KCND3: variants seen among roughly 807,000 people sequenced by gnomAD.
The protein encoded by KCND3 is A-type voltage-gated potassium channel KCND3.
A neutral mutation model predicts 51.1 loss-of-function variants in KCND3; 9 were observed. The ratio of observed to expected loss-of-function variants is 0.18; its 90% CI spans 0.11 to 0.31. KCND3 has a LOEUF of 0.31. Ranked by LOEUF, KCND3 falls within the 10% of genes least tolerant of loss-of-function variation. The probability of loss-of-function intolerance (pLI) is 1.00; values close to 1 mark genes in which losing one functional copy is unlikely to be tolerated. For missense variants in KCND3, 526 were observed against 903.8 expected (o/e 0.58, Z 5.36); for synonymous variants, 349 against 368.0 (o/e 0.95, Z 0.59).
chr1:111,806,533 A>G (rs1665581096), intron 2 of KCND3, among the ~76,000 whole-genome samples: 1 of 152,146 alleles, frequency 6.6e-6, no homozygotes, highest in Admixed American at 6.5e-5. Context: ...ATTTATATTT[A>G]CTCATCTCAC....
chr1:111,969,670 T>G (rs565457298), intron 2 of KCND3, among the ~76,000 whole-genome samples: 2 of 152,358 alleles, frequency 1.3e-5, no homozygotes, highest in Non-Finnish European at 2.9e-5. Context: ...TTGTTGTTGT[T>G]AGGGATAATG....
At chr1:111,979,154 T>A (rs1472456655) in intron 2 of KCND3, among the ~76,000 whole-genome samples, 1 of 152,204 alleles carries the variant, frequency 6.6e-6, no homozygotes, top group Admixed American at 6.5e-5. Flanking sequence ...CAGGTCCACG[T>A]TCAGGGAAAG....
rs190818715 is a variant in KCND3 at position 111,870,066 on chromosome 1, A to C, written c.1107-82960T>G. 1.5e-3 allele frequency among the ~76,000 whole-genome samples: 229 copies of C among 152,320 alleles called. 4 individuals carry two copies. The highest frequency in any genetic ancestry group is 0.012 in the Admixed American group (182 of 15,306). On this transcript the variant is annotated intron_variant, in intron 2 of 7. Transcript: ENST00000302127. Reference sequence around the variant, plus strand: ...ATACTGGCAGACTAATAATAGGTAAAATTTATCAAGCACTTGCTTGTATCA... The same window carrying C: ...ATACTGGCAGACTAATAATAGGTAACATTTATCAAGCACTTGCTTGTATCA...
intron 2 of KCND3, among the ~76,000 whole-genome samples, chr1:111,922,870 G>A (rs922716204): frequency 5.9e-5 from 9 of 152,242 alleles, no homozygotes; most frequent in African/African-American, 2.2e-4. Context: ...AATTCAATGA[G>A]ATGGCAATGT....
At chr1:111,826,028 A>C (rs1331330872) in intron 2 of KCND3, among the ~76,000 whole-genome samples, 1 of 152,204 alleles carries the variant, frequency 6.6e-6, no homozygotes, top group African/African-American at 2.4e-5. Context: ...GCAAGCCAAA[A>C]ATAGCTATCT....
At chr1:111,833,292 A>G (rs1359320533) in intron 2 of KCND3, among the ~76,000 whole-genome samples, 4 of 152,240 alleles carry the variant, frequency 2.6e-5, no homozygotes, top group Admixed American at 1.3e-4. Flanking sequence ...GAAACCTTTT[A>G]GAATCTGGGA....
intron 2 of KCND3, among the ~76,000 whole-genome samples, chr1:111,898,298 AC>A (rs1670216172): frequency 6.6e-6 from 1 of 152,042 alleles, no homozygotes; most frequent in Non-Finnish European, 1.5e-5. Flanking sequence ...AATGCCCATC[AC>A]CTGCTTTGAG....
chr1:111,896,561 C>G (rs1056110900), intron 2 of KCND3, among the ~76,000 whole-genome samples: 2 of 152,144 alleles, frequency 1.3e-5, no homozygotes, highest in Non-Finnish European at 2.9e-5. Flanking sequence ...TGTCAGCTGT[C>G]TAGTAGAGAG....
At position 111,770,812 on chromosome 1, in the gene KCND3, T is replaced by A. The variant is rs1023801743; in HGVS notation, c.*5265A>T. On this transcript the variant is annotated 3_prime_UTR_variant, in exon 8 of 8. Coordinates refer to ENST00000302127, the MANE Select transcript of KCND3 (RefSeq NM_001378969.1). Reference sequence around the variant, plus strand: ...GACGACAGGAAACTCAAGGGTGTTTTTTTTTTTTCATAGAAAGTTTTCATG... The same window carrying A: ...GACGACAGGAAACTCAAGGGTGTTTATTTTTTTTCATAGAAAGTTTTCATG... The A allele has an allele frequency of 6.6e-6, 1 of 152,158 alleles. No individual in the cohort carries two copies. The highest frequency in any genetic ancestry group is 2.4e-5 in the African/African-American group (1 of 41,448). The allele number at this position is 152,158 out of a possible 1,614,324, so 9.4% of individuals were successfully genotyped here.
intron 5 of KCND3, among the ~76,000 whole-genome samples, chr1:111,779,745 AATACATGCACT>A (rs1664290949): frequency 6.6e-6 from 1 of 152,294 alleles, no homozygotes; most frequent in African/African-American, 2.4e-5. Flanking sequence ...TAGTTGGAGA[AATACATGCACT>A]ACCTCCTTCA....
intron 2 of KCND3, among the ~76,000 whole-genome samples, chr1:111,941,666 C>T (rs1386930677): frequency 2.0e-5 from 3 of 152,128 alleles, no homozygotes; most frequent in Non-Finnish European, 4.4e-5. Context: ...CAGGGCTGCT[C>T]CTACAGTCCC....
At chr1:111,835,814 T>C (rs1214583698) in intron 2 of KCND3, among the ~76,000 whole-genome samples, 2 of 152,256 alleles carry the variant, frequency 1.3e-5, no homozygotes, top group Non-Finnish European at 2.9e-5. Flanking sequence ...AGTCGAGCAG[T>C]CCATGCTGCT....
chr1:111,850,360 C>T lies in KCND3; in HGVS notation c.1107-63254G>A, dbSNP rs192137455. ...ACCCCCACCCCAGTGTGCTTGGGGA[C>T]ACAGCTCCTGAGCCTCTACCCCCTC... On this transcript the variant is annotated intron_variant, in intron 2 of 7. Coordinates refer to ENST00000302127, the MANE Select transcript of KCND3 (RefSeq NM_001378969.1). 3.0e-3 allele frequency among the ~76,000 whole-genome samples: 463 copies of T among 152,240 alleles called. 5 individuals are homozygous for T. The highest frequency in any genetic ancestry group is 0.011 in the African/African-American group (437 of 41,536).
At chr1:111,955,086 C>A (rs569868986) in intron 2 of KCND3, among the ~76,000 whole-genome samples, 6 of 152,220 alleles carry the variant, frequency 3.9e-5, no homozygotes, top group Non-Finnish European at 8.8e-5. Flanking sequence ...TATTTCTCTA[C>A]TTCCTTCATC....
Position 111,981,503 on chromosome 1 carries a change from A to C in KCND3, c.1106+118T>G. 6.8e-7 allele frequency: 1 copy of C among 1,463,414 alleles called. No individual in the cohort carries two copies. The highest frequency in any genetic ancestry group is 9.5e-7 in the Non-Finnish European group (1 of 1,049,344). 90.7% of individuals were successfully genotyped at this position (1,463,414 alleles called of 1,614,324 possible). A position where few individuals can be genotyped will look rare whatever the true frequency, so the allele number is the denominator to read the frequency against. ...GGATAGAGCAACTTCCCCTGCCCCC[A>C]ACACTTGGGTAAGGGACTCCCTCCT... is the stretch of plus-strand genomic sequence containing the variant. On this transcript the variant is annotated intron_variant, in intron 2 of 7. Coordinates refer to ENST00000302127, the MANE Select transcript of KCND3 (RefSeq NM_001378969.1). The surrounding 1 kb of genome is among the most constrained non-coding windows in gnomAD (Gnocchi z 6.2).
chr1:111,773,778 T>A lies in KCND3; in HGVS notation c.*2299A>T, dbSNP rs1203486824. The A allele has an allele frequency of 1.3e-5, 2 of 152,180 alleles. No homozygotes were observed. Among genetic ancestry groups the A allele is most frequent in the African/African-American group, 2.4e-5 (1 of 41,436 alleles). 9.4% of individuals were successfully genotyped at this position (152,180 alleles called of 1,614,324 possible). On this transcript the variant is annotated 3_prime_UTR_variant, in exon 8 of 8. Coordinates refer to ENST00000302127, the MANE Select transcript of KCND3 (RefSeq NM_001378969.1). ...ATCTTATGAAGCATAACTAAGATAC[T>A]TAGACACTCATAATTTTGCTCTAGT... is the stretch of plus-strand genomic sequence containing the variant.
intron 2 of KCND3, chr1:111,910,668 T>G (rs1670898017): frequency 6.6e-6 from 1 of 152,242 alleles, no homozygotes; most frequent in African/African-American, 2.4e-5. Context: ...AGACCTCAGC[T>G]AACCAGGACA....
chr1:111,847,711 C>T (rs965550482), intron 2 of KCND3, among the ~76,000 whole-genome samples: 6 of 152,100 alleles, frequency 3.9e-5, no homozygotes, highest in African/African-American at 1.2e-4. Context: ...CCCTTCAGCA[C>T]GAGGTAATGG....
intron 2 of KCND3, among the ~76,000 whole-genome samples, chr1:111,958,174 G>C (rs143194438): frequency 6.4e-4 from 97 of 152,296 alleles, no homozygotes; most frequent in South Asian, 2.3e-3. Flanking sequence ...GGTGGAGTAG[G>C]ACAGAGAGGT....
Sources: allele counts gnomAD v4.1 joint callset (sites outside exome capture counted in the v4.1 genomes callset), GRCh38; gene constraint gnomAD v4.1.1; non-coding constraint Gnocchi (gnomAD v3.1); transcripts MANE v1.5; gene names NCBI Gene and HGNC (gene_info 2026-07-23, HGNC 2026-07-21).